The following GRIA1 variants were observed in gnomAD, a reference collection of about 807,000 sequenced individuals.
GRIA1 encodes glutamate ionotropic receptor AMPA type subunit 1.
GRIA1 carries 31 observed loss-of-function variants against 99.2 expected under a neutral mutation model. That is an observed-to-expected ratio of 0.31 (90% CI 0.23 to 0.42). The LOEUF (loss-of-function observed/expected upper bound fraction) is 0.42. Ranked by LOEUF, GRIA1 falls within the 10% of genes least tolerant of loss-of-function variation. The pLI is 1.00. For synonymous variants in GRIA1, 438 were observed against 432.4 expected, an observed-to-expected ratio of 1.01 and a Z score of -0.16; for missense variants, 782 against 1,157.5, an observed-to-expected ratio of 0.68 and a Z score of 4.71.
intron 8 of GRIA1, among the ~76,000 whole-genome samples, chr5:153,689,251 A>G (rs989521631): frequency 2.6e-5 from 4 of 152,258 alleles, no homozygotes; most frequent in African/African-American, 9.6e-5. Flanking sequence ...CAATGAAAAC[A>G]TAGATGCAGC....
At position 153,579,194 on chromosome 5, in the gene GRIA1, C is replaced by T. The variant is rs181048864; in HGVS notation, c.221-67734C>T. ...TTTCCCCAAAGCTCTGACTCCTTTC[C>T]AGGAGTTTGTGTGGAACAGGTAAGA... On this transcript the variant is annotated intron_variant, in intron 2 of 15. Transcript: ENST00000285900. Among the ~76,000 whole-genome samples, 309 of 152,258 alleles carry T rather than the reference C, an allele frequency of 2.0e-3. 2 individuals are homozygous for T. Among genetic ancestry groups the T allele is most frequent in the African/African-American group, 7.3e-3 (305 of 41,544 alleles).
intron 11 of GRIA1, among the ~76,000 whole-genome samples, chr5:153,745,643 C>T (rs1327209320): frequency 6.7e-6 from 1 of 148,806 alleles, no homozygotes; most frequent in Non-Finnish European, 1.5e-5. Context: ...GGTATTCACT[C>T]ACTTAGGAAA....
At chr5:153,711,788 C>T (rs1759333088) in intron 11 of GRIA1, among the ~76,000 whole-genome samples, 1 of 152,178 alleles carries the variant, frequency 6.6e-6, no homozygotes. Context: ...CAATATTTTC[C>T]TGGGTTCAGG....
At chr5:153,624,056 G>A (rs1482897800) in intron 2 of GRIA1, among the ~76,000 whole-genome samples, 2 of 152,184 alleles carry the variant, frequency 1.3e-5, no homozygotes, top group Non-Finnish European at 2.9e-5. Context: ...CTTGGAAATG[G>A]CTTCTGGATG....
At chr5:153,784,181 C>T (rs1202696363) in intron 13 of GRIA1, among the ~76,000 whole-genome samples, 1 of 152,070 alleles carries the variant, frequency 6.6e-6, no homozygotes, top group Non-Finnish European at 1.5e-5. Flanking sequence ...ATCAACCACC[C>T]TGGTTTGCTC....
intron 5 of GRIA1, among the ~76,000 whole-genome samples, chr5:153,672,289 CTT>C (rs1303036127): frequency 6.6e-6 from 1 of 152,182 alleles, no homozygotes; most frequent in Non-Finnish European, 1.5e-5. Context: ...ACATGTCTAA[CTT>C]AGCCTGCAGG....
At chr5:153,519,092 G>A (rs758371825) in intron 2 of GRIA1, among the ~76,000 whole-genome samples, 6 of 151,944 alleles carry the variant, frequency 3.9e-5, no homozygotes, top group African/African-American at 1.2e-4. Flanking sequence ...GTGAAACCCC[G>A]TCTCTACCAA....
intron 2 of GRIA1, among the ~76,000 whole-genome samples, chr5:153,616,687 AG>A (rs949274566): frequency 6.6e-6 from 1 of 152,222 alleles, no homozygotes; most frequent in African/African-American, 2.4e-5. Flanking sequence ...AATGAATTTT[AG>A]GTAGAAATTG....
At chr5:153,635,331 T>C (rs1753271579) in intron 2 of GRIA1, among the ~76,000 whole-genome samples, 2 of 152,348 alleles carry the variant, frequency 1.3e-5, no homozygotes, top group African/African-American at 2.4e-5. Context: ...TTTGTGACTA[T>C]GGGGATTGCG....
intron 2 of GRIA1, among the ~76,000 whole-genome samples, chr5:153,555,076 C>T (rs1760497821): frequency 6.6e-6 from 1 of 152,098 alleles, no homozygotes; most frequent in South Asian, 2.1e-4. Flanking sequence ...GTGATGTAGG[C>T]ATTTTCTTAG....
At chr5:153,781,091 G>A (rs750256587) in intron 13 of GRIA1, among the ~76,000 whole-genome samples, 13 of 152,040 alleles carry the variant, frequency 8.6e-5, no homozygotes, top group Non-Finnish European at 7.4e-5. Flanking sequence ...GGTCCCACAG[G>A]CTAAGATCAT....
chr5:153,516,367 C>A (rs915415692), intron 2 of GRIA1, among the ~76,000 whole-genome samples: 3 of 151,664 alleles, frequency 2.0e-5, no homozygotes, highest in Admixed American at 6.6e-5. Context: ...AAAAGAAATG[C>A]TCCCCATTTG....
At chr5:153,495,210 A>C (rs1294765245) in intron 2 of GRIA1, among the ~76,000 whole-genome samples, 1 of 152,244 alleles carries the variant, frequency 6.6e-6, no homozygotes, top group African/African-American at 2.4e-5. Flanking sequence ...TATGATAAAT[A>C]CTTTATAGTC....
At chr5:153,717,715 T>G (rs1255429186) in intron 11 of GRIA1, among the ~76,000 whole-genome samples, 1 of 152,186 alleles carries the variant, frequency 6.6e-6, no homozygotes, top group Non-Finnish European at 1.5e-5. Flanking sequence ...GCTCTCAACT[T>G]CCTGTGGAGC....
Position 153,705,998 on chromosome 5 carries a change from T to C in GRIA1, c.1754T>C (p.Phe585Ser). The change falls in exon 11 of 16, where the codon TTT becomes TCT. Residue 585 changes from phenylalanine (F) to serine (S), a missense_variant. By Grantham distance (155) the Phe-to-Ser change is radical (BLOSUM62 -2). This residue lies in a region of GRIA1 where 39 missense variants were observed against 43.5 expected (regional missense o/e 0.90). Coordinates refer to ENST00000285900, the MANE Select transcript of GRIA1 (RefSeq NM_000827.4). ...ACAACCAGTGACCAGTCCAATGAGT[T>C]TGGGATATTCAACAGTTTGTGGTTC... ...DQTTSDQSNE[F>S]GIFNSLWFSL... is the part of the protein sequence containing the mutation. The C allele has an allele frequency of 6.2e-7, 1 of 1,613,916 alleles. No individual in the cohort carries two copies. The highest frequency in any genetic ancestry group is 8.5e-7 in the Non-Finnish European group (1 of 1,179,832).
At chr5:153,522,772 AC>A (rs1757266744) in intron 2 of GRIA1, among the ~76,000 whole-genome samples, 1 of 152,212 alleles carries the variant, frequency 6.6e-6, no homozygotes, top group African/African-American at 2.4e-5. Context: ...GCCAGGCTTA[AC>A]TTTAAAGGAG....
In GRIA1 at chr5:153,490,885, G is replaced by A. The variant is rs746152276; in HGVS notation, c.-4G>A. 6.2e-7 allele frequency: 1 copy of A among 1,612,868 alleles called. No individual in the cohort carries two copies. Among genetic ancestry groups the A allele is most frequent in the Non-Finnish European group, 8.5e-7 (1 of 1,178,882 alleles). ...GCTTCTTTTTCGCCAATGCAAAAAG[G>A]AATATGCAGCACATTTTTGCCTTCT... is the stretch of plus-strand genomic sequence containing the variant. On this transcript the variant is annotated 5_prime_UTR_variant, in exon 1 of 16. Coordinates refer to ENST00000285900, the MANE Select transcript of GRIA1 (RefSeq NM_000827.4).
At chr5:153,536,842 C>T (rs1323739820) in intron 2 of GRIA1, among the ~76,000 whole-genome samples, 4 of 152,166 alleles carry the variant, frequency 2.6e-5, no homozygotes, top group Admixed American at 6.5e-5. Flanking sequence ...CTCTCTTCTC[C>T]ATCAGTATTG....
At chr5:153,648,098 G>T (rs1157953586) in intron 3 of GRIA1, among the ~76,000 whole-genome samples, 1 of 152,208 alleles carries the variant, frequency 6.6e-6, no homozygotes, top group East Asian at 1.9e-4. Context: ...TGATGTGGTT[G>T]CCTGCAGGGA....
Sources: allele counts gnomAD v4.1 joint callset (sites outside exome capture counted in the v4.1 genomes callset), GRCh38; gene constraint gnomAD v4.1.1; regional missense constraint gnomAD v4.1.1; transcripts MANE v1.5; gene names NCBI Gene and HGNC (gene_info 2026-07-23, HGNC 2026-07-21).